The following SLC25A48 variants were observed in gnomAD, a reference collection of about 807,000 sequenced individuals.
The protein encoded by SLC25A48 is CTC-321K16.1.
Under a neutral mutation model 32.2 loss-of-function variants are expected in SLC25A48, and 29 were observed. The observed-to-expected ratio is 0.90, with a 90% CI of 0.67 to 1.23. The LOEUF is 1.23. Ranked by LOEUF, SLC25A48 falls within the 50% of genes most tolerant of loss-of-function variation. The pLI is 0.00. For missense variants in SLC25A48, 399 were observed against 422.7 expected (o/e 0.94, Z 0.49); for synonymous variants, 164 against 172.3 (o/e 0.95, Z 0.38).
At chr5:135,653,740 G>C in intron 3 of SLC25A48, 1 of 450,050 alleles carries the variant, frequency 2.2e-6, no homozygotes, top group South Asian at 1.6e-5. Context: ...GAAGATAAAG[G>C]AGCTGAAAGC....
chr5:135,871,657 C>T lies in SLC25A48; in HGVS notation c.618C>T (p.Ile206=). The part of the protein sequence containing the change: ...FIPYVFLSEW[I]TPEACTGPSP... ...CCTACGTGTTCCTGAGTGAGTGGATCACACCTGAGGCCTGCACAGGCCCCA... is the reference window on the plus strand; with the variant it reads ...CCTACGTGTTCCTGAGTGAGTGGATTACACCTGAGGCCTGCACAGGCCCCA... The change falls in exon 5 of 8, where the codon ATC becomes ATT. Residue 206 remains isoleucine, a synonymous_variant. Transcript: ENST00000681962. The T allele has an allele frequency of 1.2e-6, 2 of 1,614,174 alleles. No homozygotes were observed. The highest frequency in any genetic ancestry group is 8.5e-7 in the Non-Finnish European group (1 of 1,180,004).
At position 135,767,549 on chromosome 5, in the gene SLC25A48, C is replaced by T. The variant is rs571579106; in HGVS notation, c.-520-44974C>T. Among the ~76,000 whole-genome samples the T allele has an allele frequency of 2.6e-5, 4 of 151,968 alleles. No individual in the cohort carries two copies. The East Asian group carries it at 7.8e-4, about 29-fold the overall frequency. ...TTCAATATCGTAAACACTCTGTGTA[C>T]ACCCTCTGTGATATTTTTTGTAATA... On this transcript the variant is annotated intron_variant, in intron 3 of 10. Transcript: ENST00000646290.
At chr5:135,713,676 G>A (rs754947577) in intron 3 of SLC25A48, among the ~76,000 whole-genome samples, 4 of 152,316 alleles carry the variant, frequency 2.6e-5, no homozygotes, top group South Asian at 2.1e-4. Context: ...GTGAGGAGGC[G>A]TTTTGAAGCT....
upstream of SLC25A48, among the ~76,000 whole-genome samples, chr5:135,832,783 C>T (rs763231865): frequency 4.6e-5 from 7 of 152,154 alleles, no homozygotes; most frequent in Non-Finnish European, 1.0e-4. Flanking sequence ...ATCTGCATGT[C>T]CTGCTACTGA....
chr5:135,599,293 G>C (rs1234689204), intron 1 of SLC25A48, among the ~76,000 whole-genome samples: 1 of 152,074 alleles, frequency 6.6e-6, no homozygotes, highest in Non-Finnish European at 1.5e-5. Context: ...TCTCATTTTG[G>C]GAACTGCTAT....
intron 4 of SLC25A48, among the ~76,000 whole-genome samples, chr5:135,856,547 G>C: frequency 6.6e-6 from 1 of 152,224 alleles, no homozygotes; most frequent in East Asian, 1.9e-4. Context: ...GGTGCATGGA[G>C]GGCCTGAGGC....
chr5:135,873,922 C>A, intron 5 of SLC25A48, 99 bp from the exon 6 acceptor site: 1 of 1,313,356 alleles, frequency 7.6e-7, no homozygotes, highest in Admixed American at 3.1e-5. Flanking sequence ...TCCCTTCTCC[C>A]AGCTTAATGA....
chr5:135,779,594 G>A (rs1240505855), intron 3 of SLC25A48, among the ~76,000 whole-genome samples: 1 of 118,600 alleles, frequency 8.4e-6, no homozygotes, highest in Non-Finnish European at 2.1e-5. Flanking sequence ...TCTAAGGGAT[G>A]TACACTCCCT....
chr5:135,715,703 C>T (rs943294435), intron 3 of SLC25A48, among the ~76,000 whole-genome samples: 1 of 152,210 alleles, frequency 6.6e-6, no homozygotes, highest in Non-Finnish European at 1.5e-5. Context: ...AACTACTAAT[C>T]CGTCAGCTCT....
chr5:135,711,852 C>T (rs974162739), intron 3 of SLC25A48, among the ~76,000 whole-genome samples: 11 of 152,070 alleles, frequency 7.2e-5, no homozygotes, highest in Non-Finnish European at 1.3e-4. Flanking sequence ...CTAAGGGCCA[C>T]AGCTGCCACT....
chr5:135,785,976 G>C (rs549462641), intron 3 of SLC25A48, among the ~76,000 whole-genome samples: 3 of 151,074 alleles, frequency 2.0e-5, no homozygotes, highest in South Asian at 2.1e-4. Flanking sequence ...CCCATGGGGC[G>C]GGGGTTGAAA....
intron 1 of SLC25A48, among the ~76,000 whole-genome samples, chr5:135,603,021 T>C (rs1214708393): frequency 6.6e-6 from 1 of 152,188 alleles, no homozygotes; most frequent in African/African-American, 2.4e-5. Flanking sequence ...AGTGCACACC[T>C]GTGGAAACCT....
At chr5:135,717,547 A>G (rs1044741870) in intron 3 of SLC25A48, among the ~76,000 whole-genome samples, 5 of 152,238 alleles carry the variant, frequency 3.3e-5, no homozygotes, top group Non-Finnish European at 7.3e-5. Flanking sequence ...ACATTGGATC[A>G]GGGTGGATTC....
At chr5:135,834,228 G>A (rs1758320918), upstream of SLC25A48, among the ~76,000 whole-genome samples, 1 of 152,150 alleles carries the variant, frequency 6.6e-6, no homozygotes, top group Admixed American at 6.5e-5. Flanking sequence ...GGTGAGCCAG[G>A]GCCAGGCAGG....
intron 3 of SLC25A48, among the ~76,000 whole-genome samples, chr5:135,678,511 G>A (rs372129763): frequency 4.6e-5 from 7 of 151,838 alleles, no homozygotes; most frequent in African/African-American, 1.7e-4. Context: ...TTAACTATTT[G>A]TATGGCATTT....
chr5:135,639,473 T>G (rs75953300), intron 3 of SLC25A48, among the ~76,000 whole-genome samples: 1,881 of 152,188 alleles, frequency 0.012, 57 homozygotes, highest in African/African-American at 0.043. Context: ...GTTCAGAAAT[T>G]TAAATAGGAG....
chr5:135,620,055 G>T (rs1752286960), intron 1 of SLC25A48, among the ~76,000 whole-genome samples: 1 of 152,206 alleles, frequency 6.6e-6, no homozygotes, highest in Non-Finnish European at 1.5e-5. Flanking sequence ...TGGGCAGCAG[G>T]AGTGGCATGA....
intron 1 of SLC25A48, among the ~76,000 whole-genome samples, chr5:135,841,609 T>C (rs1386354080): frequency 1.3e-5 from 2 of 152,136 alleles, no homozygotes; most frequent in African/African-American, 4.8e-5. Flanking sequence ...TTTCATACTT[T>C]TTAGACAAAG....
Position 135,751,559 on chromosome 5 carries a change from T to C in SLC25A48, c.-520-60964T>C, listed in dbSNP as rs118091550. On this transcript the variant is annotated intron_variant, in intron 3 of 10. Transcript: ENST00000646290. ...GCTATAATTAGTCACACAGGTCAGGTGCAGTGGCTCACACCTGTAATCCCA... is the reference window on the plus strand; with the variant it reads ...GCTATAATTAGTCACACAGGTCAGGCGCAGTGGCTCACACCTGTAATCCCA... Among the ~76,000 whole-genome samples, 72 of 152,246 alleles carry C rather than the reference T, an allele frequency of 4.7e-4. 1 individual carries two copies. The East Asian group carries it at 0.014, about 29-fold the overall frequency.
Sources: allele counts gnomAD v4.1 joint callset (sites outside exome capture counted in the v4.1 genomes callset), GRCh38; gene constraint gnomAD v4.1.1; transcripts MANE v1.5; gene names NCBI Gene and HGNC (gene_info 2026-07-23, HGNC 2026-07-21).